The following NUBPL variants were observed in gnomAD, a reference collection of about 807,000 sequenced individuals.
NUBPL encodes NUBP iron-sulfur cluster assembly factor, mitochondrial, also known as iron-sulfur cluster transfer protein NUBPL.
In NUBPL, 31 loss-of-function variants were observed where a neutral mutation model predicts 45.7. The ratio of observed to expected loss-of-function variants is 0.68; its 90% CI spans 0.51 to 0.92. The LOEUF (loss-of-function observed/expected upper bound fraction) is 0.92, where lower values mean the gene tolerates loss of function less well. NUBPL is among the 40% of genes least tolerant of loss of function. NUBPL has a pLI of 0.00. For synonymous variants in NUBPL, 144 were observed against 140.9 expected, an observed-to-expected ratio of 1.02 and a Z score of -0.15; for missense variants, 401 against 398.7, an observed-to-expected ratio of 1.01 and a Z score of -0.05.
chr14:31,610,760 C>G (rs2034735618), intron 4 of NUBPL, among the ~76,000 whole-genome samples: 1 of 152,054 alleles, frequency 6.6e-6, no homozygotes. Flanking sequence ...CCCTGGGATG[C>G]AAGGATGGTT....
intron 6 of NUBPL, among the ~76,000 whole-genome samples, chr14:31,709,947 C>T (rs2037534113): frequency 6.6e-6 from 1 of 152,284 alleles, no homozygotes; most frequent in Middle Eastern, 3.4e-3. Context: ...AAATGGCAAG[C>T]TTTGCATAGT....
intron 8 of NUBPL, among the ~76,000 whole-genome samples, chr14:31,834,369 C>G (rs181308232): frequency 6.6e-5 from 10 of 151,990 alleles, no homozygotes; most frequent in African/African-American, 2.2e-4. Context: ...TTAGTAGAGA[C>G]GGGGTTTCAC....
In NUBPL at chr14:31,583,371, T is replaced by A. The variant is rs150858367; in HGVS notation, c.292-15918T>A. Among the ~76,000 whole-genome samples the A allele has an allele frequency of 8.5e-3, 1,299 of 152,314 alleles. 22 individuals are homozygous for A. Among genetic ancestry groups the A allele is most frequent in the African/African-American group, 0.029 (1,208 of 41,558 alleles). ...ATTTAGAGGACCCAAGGCATTTCTG[T>A]AAAGCACGTTTATTAACTACCTGCT... On this transcript the variant is annotated intron_variant, in intron 3 of 10. Coordinates refer to ENST00000281081, the MANE Select transcript of NUBPL (RefSeq NM_025152.3).
At chr14:31,609,137 A>AT (rs984381546) in intron 4 of NUBPL, among the ~76,000 whole-genome samples, 4 of 151,974 alleles carry the variant, frequency 2.6e-5, no homozygotes, top group Admixed American at 6.6e-5. Context: ...GGCTAAATAG[A>AT]TAAAAAAAAA....
chr14:31,859,055 TTGA>T (rs1341525381), intron 10 of NUBPL, 60 bp from the exon 11 acceptor site: 1 of 1,430,144 alleles, frequency 7.0e-7, no homozygotes, highest in African/African-American at 1.4e-5. Flanking sequence ...TAACAAACAG[TTGA>T]TGAGTCATTC....
chr14:31,798,661 G>A (rs1231889386), intron 7 of NUBPL, among the ~76,000 whole-genome samples: 11 of 150,952 alleles, frequency 7.3e-5, no homozygotes, highest in African/African-American at 2.7e-4. Flanking sequence ...GCATAGTGGC[G>A]GGCGCCTGTA....
At chr14:31,761,730 G>A (rs1052848049) in intron 6 of NUBPL, among the ~76,000 whole-genome samples, 1 of 152,146 alleles carries the variant, frequency 6.6e-6, no homozygotes, top group African/African-American at 2.4e-5. Context: ...TTGAGTGACA[G>A]TAATTTACTT....
chr14:31,687,204 A>G (rs1441037399), intron 6 of NUBPL, among the ~76,000 whole-genome samples: 1 of 152,224 alleles, frequency 6.6e-6, no homozygotes, highest in African/African-American at 2.4e-5. Context: ...GTCCACTTAT[A>G]TGAGGATTTT....
intron 8 of NUBPL, among the ~76,000 whole-genome samples, chr14:31,832,031 A>G (rs1168188657): frequency 6.6e-6 from 1 of 152,184 alleles, no homozygotes; most frequent in East Asian, 1.9e-4. Context: ...TGCTTAAACC[A>G]TGTCAGAGTA....
intron 6 of NUBPL, among the ~76,000 whole-genome samples, chr14:31,697,485 C>A (rs189322061): frequency 6.6e-6 from 1 of 152,192 alleles, no homozygotes; most frequent in African/African-American, 2.4e-5. Flanking sequence ...CAGAAGCATG[C>A]CTTTTTTACT....
chr14:31,831,446 A>ACTGTG (rs2040188535), intron 8 of NUBPL, among the ~76,000 whole-genome samples: 1 of 134,414 alleles, frequency 7.4e-6, no homozygotes, highest in Non-Finnish European at 1.7e-5. Flanking sequence ...ACATTAGCAT[A>ACTGTG]CTATGCTATA....
intron 8 of NUBPL, among the ~76,000 whole-genome samples, chr14:31,837,996 T>C (rs1013932774): frequency 2.0e-5 from 3 of 152,324 alleles, no homozygotes; most frequent in African/African-American, 7.2e-5. Context: ...CCCGCCACTT[T>C]ACTTTTGGCA....
intron 4 of NUBPL, among the ~76,000 whole-genome samples, chr14:31,612,414 C>CA (rs2034783365): frequency 6.6e-6 from 1 of 152,228 alleles, no homozygotes; most frequent in South Asian, 2.1e-4. Context: ...CCTGTAATCC[C>CA]AGCACTTGGG....
intron 3 of NUBPL, among the ~76,000 whole-genome samples, chr14:31,570,079 C>T (rs1197334370): frequency 6.6e-6 from 1 of 152,092 alleles, no homozygotes; most frequent in Admixed American, 6.6e-5. Flanking sequence ...TTATTGAGCA[C>T]CTCTAACACT....
At chr14:31,650,335 G>A (rs1464906160) in intron 4 of NUBPL, among the ~76,000 whole-genome samples, 1 of 142,286 alleles carries the variant, frequency 7.0e-6, no homozygotes, top group Non-Finnish European at 1.5e-5. Context: ...TGTCACCCAG[G>A]CTGCAGTGCA....
intron 7 of NUBPL, among the ~76,000 whole-genome samples, chr14:31,801,383 A>AACT (rs1182472116): frequency 6.6e-6 from 1 of 152,162 alleles, no homozygotes; most frequent in African/African-American, 2.4e-5. Flanking sequence ...CAAGTGGAAT[A>AACT]ACTAACACAA....
chr14:31,568,495 T>C (rs1457783193), intron 3 of NUBPL, among the ~76,000 whole-genome samples: 1 of 152,240 alleles, frequency 6.6e-6, no homozygotes, highest in African/African-American at 2.4e-5. Flanking sequence ...ACATTAGAAT[T>C]CTCTGAATCA....
intron 4 of NUBPL, among the ~76,000 whole-genome samples, chr14:31,653,828 G>A (rs2036073683): frequency 6.6e-6 from 1 of 152,288 alleles, no homozygotes; most frequent in Middle Eastern, 3.4e-3. Flanking sequence ...GTAAAGACAG[G>A]CATAAGATAT....
intron 6 of NUBPL, among the ~76,000 whole-genome samples, chr14:31,730,481 T>G (rs1315646194): frequency 6.6e-6 from 1 of 151,130 alleles, no homozygotes; most frequent in Non-Finnish European, 1.5e-5. Flanking sequence ...TTTTTTTTTT[T>G]GAGATGGAGT....
Sources: allele counts gnomAD v4.1 joint callset (sites outside exome capture counted in the v4.1 genomes callset), GRCh38; gene constraint gnomAD v4.1.1; transcripts MANE v1.5; gene names NCBI Gene and HGNC (gene_info 2026-07-23, HGNC 2026-07-21).